Variants in ROBO2 observed in about 807,000 individuals in gnomAD.
The protein encoded by ROBO2 is roundabout guidance receptor 2, also known as roundabout homolog 2.
A neutral mutation model predicts 160.8 loss-of-function variants in ROBO2; 53 were observed. The ratio of observed to expected loss-of-function variants is 0.33; its 90% CI spans 0.26 to 0.41. ROBO2 has a LOEUF of 0.41. ROBO2 is among the 10% of genes least tolerant of loss of function. ROBO2 has a pLI of 1.00. For synonymous variants in ROBO2, 664 were observed against 611.7 expected, an observed-to-expected ratio of 1.09 and a Z score of -1.26; for missense variants, 1,577 against 1,722.4, an observed-to-expected ratio of 0.92 and a Z score of 1.49.
chr3:77,056,835 A>G (rs2065798279), intron 1 of ROBO2, among the ~76,000 whole-genome samples: 1 of 152,206 alleles, frequency 6.6e-6, no homozygotes, highest in East Asian at 1.9e-4. Context: ...ACACATATAC[A>G]CAGATGAATA....
intron 2 of ROBO2, among the ~76,000 whole-genome samples, chr3:76,329,082 G>A (rs2073274103): frequency 6.6e-6 from 1 of 151,922 alleles, no homozygotes; most frequent in Admixed American, 6.6e-5. Flanking sequence ...GGAGTCGGTG[G>A]ACAAGCTGCA....
intron 2 of ROBO2, among the ~76,000 whole-genome samples, chr3:77,366,097 T>C (rs1433760320): frequency 6.6e-6 from 1 of 152,172 alleles, no homozygotes; most frequent in East Asian, 1.9e-4. Flanking sequence ...TAAATGAATT[T>C]TTCTGTTGAG....
chr3:77,418,924 G>T (rs1018934273), intron 2 of ROBO2, among the ~76,000 whole-genome samples: 4 of 152,216 alleles, frequency 2.6e-5, no homozygotes, highest in Admixed American at 1.3e-4. Flanking sequence ...CAGGAGAAAG[G>T]AATAATGGTT....
At chr3:76,232,170 T>C (rs911158311) in intron 2 of ROBO2, among the ~76,000 whole-genome samples, 1 of 152,154 alleles carries the variant, frequency 6.6e-6, no homozygotes, top group African/African-American at 2.4e-5. Flanking sequence ...AAAAACAACA[T>C]GCAGGGCCTA....
At chr3:77,123,047 G>T (rs1021792214) in intron 2 of ROBO2, among the ~76,000 whole-genome samples, 2 of 152,008 alleles carry the variant, frequency 1.3e-5, no homozygotes, top group Non-Finnish European at 2.9e-5. Flanking sequence ...AGCAATAAAA[G>T]CAAAGACAAG....
chr3:77,632,504 C>T, intron 23 of ROBO2: 1 of 1,534,910 alleles, frequency 6.5e-7, no homozygotes, highest in Non-Finnish European at 8.7e-7. Context: ...GGCTCTGCAT[C>T]TGATGAGGAT....
At chr3:76,068,233 C>T (rs1219264736) in intron 2 of ROBO2, among the ~76,000 whole-genome samples, 1 of 152,146 alleles carries the variant, frequency 6.6e-6, no homozygotes, top group East Asian at 1.9e-4. Flanking sequence ...GGAGCTCTGT[C>T]TGACTGGGCT....
intron 2 of ROBO2, among the ~76,000 whole-genome samples, chr3:75,938,128 C>T (rs1947881223): frequency 1.3e-5 from 2 of 151,656 alleles, no homozygotes; most frequent in Admixed American, 6.6e-5. Context: ...CATTCTTCCG[C>T]CAAGTGTATT....
intron 1 of ROBO2, among the ~76,000 whole-genome samples, chr3:75,934,331 A>G (rs1291654919): frequency 6.6e-6 from 1 of 152,236 alleles, no homozygotes; most frequent in African/African-American, 2.4e-5. Flanking sequence ...AAGTACATAC[A>G]TAAAGTAGGC....
At chr3:77,141,948 G>A (rs1157226206) in intron 2 of ROBO2, among the ~76,000 whole-genome samples, 1 of 152,158 alleles carries the variant, frequency 6.6e-6, no homozygotes, top group Non-Finnish European at 1.5e-5. Flanking sequence ...TTCCGTTAAT[G>A]TAGTTTTACA....
intron 2 of ROBO2, among the ~76,000 whole-genome samples, chr3:76,117,716 A>G (rs1031545479): frequency 6.6e-6 from 1 of 152,186 alleles, no homozygotes; most frequent in African/African-American, 2.4e-5. Flanking sequence ...ATCAAATTCT[A>G]TGTTCCCTGC....
Position 76,070,335 on chromosome 3 carries a change from C to T in ROBO2, c.109+132733C>T, listed in dbSNP as rs571785030. Among the ~76,000 whole-genome samples the T allele has an allele frequency of 2.6e-5, 4 of 152,196 alleles. No individual in the cohort carries two copies. In the South Asian group the frequency reaches 8.3e-4, roughly 32 times the overall value. On this transcript the variant is annotated intron_variant, in intron 2 of 26. Coordinates refer to the ROBO2 transcript ENST00000487694. ...CTGGGGTTGGGTCTCTGAACTGGCC[C>T]CGCTGGGCGTGGTCATCTCTTATGT...
chr3:76,393,274 G>A (rs2077246999), intron 2 of ROBO2, among the ~76,000 whole-genome samples: 1 of 152,110 alleles, frequency 6.6e-6, no homozygotes, highest in South Asian at 2.1e-4. Context: ...CAGAGCTACT[G>A]AAACAGTAAG....
chr3:76,568,331 T>A (rs1451848228), intron 2 of ROBO2, among the ~76,000 whole-genome samples: 1 of 152,152 alleles, frequency 6.6e-6, no homozygotes, highest in Admixed American at 6.5e-5. Context: ...GGAGTCTCGC[T>A]CTGTCACCCA....
chr3:77,216,721 C>T (rs531318470), intron 2 of ROBO2, among the ~76,000 whole-genome samples: 51 of 152,266 alleles, frequency 3.3e-4, no homozygotes, highest in Admixed American at 2.1e-3. Context: ...TTGGCTCCAC[C>T]CCACAAATAA....
At chr3:76,066,017 G>T (rs1175252692) in intron 2 of ROBO2, among the ~76,000 whole-genome samples, 1 of 150,764 alleles carries the variant, frequency 6.6e-6, no homozygotes, top group Non-Finnish European at 1.5e-5. Context: ...TGTGTTCCAA[G>T]AATTCTCACT....
intron 2 of ROBO2, among the ~76,000 whole-genome samples, chr3:76,841,922 G>A (rs2068311235): frequency 6.6e-6 from 1 of 152,172 alleles, no homozygotes; most frequent in Non-Finnish European, 1.5e-5. Context: ...GCTGAAGTCT[G>A]TCAACAGGGA....
chr3:76,604,358 C>A (rs2087472992), intron 2 of ROBO2, among the ~76,000 whole-genome samples: 1 of 152,086 alleles, frequency 6.6e-6, no homozygotes, highest in African/African-American at 2.4e-5. Flanking sequence ...CTTTAATGTT[C>A]AATTAATAAA....
chr3:76,803,889 G>A (rs2064451721), intron 2 of ROBO2, among the ~76,000 whole-genome samples: 1 of 152,108 alleles, frequency 6.6e-6, no homozygotes, highest in Admixed American at 6.5e-5. Context: ...TATTATTGAC[G>A]AATGACACAT....
Sources: allele counts gnomAD v4.1 joint callset (sites outside exome capture counted in the v4.1 genomes callset), GRCh38; gene constraint gnomAD v4.1.1; transcripts MANE v1.5; gene names NCBI Gene and HGNC (gene_info 2026-07-23, HGNC 2026-07-21).